ALS2: variants seen among roughly 807,000 people sequenced by gnomAD.
ALS2 encodes the protein alsin Rho guanine nucleotide exchange factor ALS2.
ALS2 carries 117 observed loss-of-function variants against 203.4 expected under a neutral mutation model. The observed-to-expected ratio is 0.58, with a 90% confidence interval of 0.50 to 0.67. The LOEUF (loss-of-function observed/expected upper bound fraction) is 0.67, where lower values mean the gene tolerates loss of function less well. ALS2 is among the 30% of genes least tolerant of loss of function. The pLI is 0.00. For missense variants in ALS2, 1,715 were observed against 1,989.4 expected (o/e 0.86, Z 2.62); for synonymous variants, 718 against 725.9 (o/e 0.99, Z 0.17).
Position 201,770,466 on chromosome 2 carries a change from TA to T in ALS2, c.-60-1522del, listed in dbSNP as rs200772132. ...CCACCACTCATTTTTTTTTTTAACC[TA>T]AATGGAATTAAAACTCTACAAACTG... is the stretch of plus-strand genomic sequence containing the variant. On this transcript the variant is annotated intron_variant, in intron 1 of 33. Coordinates refer to ENST00000264276, the MANE Select transcript of ALS2 (RefSeq NM_020919.4). Among the ~76,000 whole-genome samples, 1,463 of 151,754 alleles carry T rather than the reference TA, an allele frequency of 9.6e-3. 20 individuals carry two copies. The highest frequency in any genetic ancestry group is 0.034 in the African/African-American group (1,399 of 41,336).
In ALS2 at chr2:201,761,193, C is replaced by G. The variant is rs763600658; in HGVS notation, c.801G>C (p.Gln267His). The stretch of plus-strand genomic sequence containing the variant: ...GAGCAGTGCTGGCATGGTTTTCTGC[C>G]TGAGATTCTGTCAGTGTCACACCTA... ...CPLGVTLTES[Q>H]AENHASTALS... The change falls in exon 4 of 34, where the codon CAG (glutamine) becomes CAC (histidine). Residue 267 changes from glutamine to histidine, a missense_variant. By Grantham distance (24) the Gln-to-His change is conservative. This residue lies in a region of ALS2 where 476 missense variants were observed against 539.3 expected (regional missense o/e 0.88). Coordinates refer to ENST00000264276, the MANE Select transcript of ALS2 (RefSeq NM_020919.4). 1.2e-6 allele frequency: 2 copies of G among 1,614,032 alleles called. No homozygotes were observed. Among genetic ancestry groups the G allele is most frequent in the South Asian group, 1.1e-5 (1 of 91,080 alleles).
rs1472406927 is a variant in ALS2, at chr2:201,705,187, G to T, written c.4640C>A (p.Thr1547Lys). ...TGCTGAGGCAAAACAAGCATCTTTC[G>T]TGGTTGGCAAAACCTGCAAAAAAGA... ...LGESKKVLPT[T>K]KDACFASAVE... The change falls in exon 31 of 34, where the codon ACG (threonine) becomes AAG (lysine). Residue 1547 changes from threonine to lysine, a missense_variant. Around this residue, in one of 3 missense-constraint regions of ALS2, gnomAD observed 1,227 missense variants for 1,413.5 expected, o/e 0.87. Coordinates refer to ENST00000264276, the MANE Select transcript of ALS2 (RefSeq NM_020919.4). The T allele has an allele frequency of 1.2e-6, 2 of 1,614,062 alleles. No individual in the cohort carries two copies. The highest frequency in any genetic ancestry group is 1.7e-6 in the Non-Finnish European group (2 of 1,179,992).
chr2:201,765,069 C>T (rs1032524173), intron 3 of ALS2, among the ~76,000 whole-genome samples: 10 of 151,988 alleles, frequency 6.6e-5, no homozygotes, highest in Admixed American at 5.9e-4. Flanking sequence ...TCACAGCTCA[C>T]TGCACGCAGC....
rs866980812 is a variant in ALS2 at position 201,731,991 on chromosome 2, G to A, written c.2580+1285C>T. On this transcript the variant is annotated intron_variant, in intron 13 of 33. Transcript: ENST00000264276. Reference sequence around the variant, plus strand: ...GCTACATCCAGGGAAACTGAACTCTGACTCTCAACAATTCTAAGCTGATCT... The same window carrying A: ...GCTACATCCAGGGAAACTGAACTCTAACTCTCAACAATTCTAAGCTGATCT... Among the ~76,000 whole-genome samples, 142 of 152,294 alleles carry A rather than the reference G, an allele frequency of 9.3e-4. 1 individual carries two copies. The highest frequency in any genetic ancestry group is 3.2e-3 in the African/African-American group (131 of 41,550).
chr2:201,761,454 C>A lies in ALS2; in HGVS notation c.540G>T (p.Leu180Phe), dbSNP rs1574788005. 6.2e-7 allele frequency: 1 copy of A among 1,607,270 alleles called. No individual in the cohort carries two copies. The highest frequency in any genetic ancestry group is 1.1e-5 in the South Asian group (1 of 90,690). Residue 180 changes from leucine to phenylalanine, a missense_variant, in exon 4 of 34, where the codon TTG becomes TTT. Physicochemically the swap from Leu to Phe is conservative, Grantham distance 22. This residue lies in a region of ALS2 where 476 missense variants were observed against 539.3 expected (regional missense o/e 0.88). Transcript: ENST00000264276. Reference sequence around the variant, plus strand: ...CTGGGAAGGCAGTGGTAATGAGACCCAACTGACAACCGGTACCCCATGCCC... The same window carrying A: ...CTGGGAAGGCAGTGGTAATGAGACCAAACTGACAACCGGTACCCCATGCCC... ...EIWAWGTGCQ[L>F]GLITTAFPVT...
chr2:201,710,147 A>T (rs1689948452), intron 26 of ALS2, 109 bp from the exon 27 acceptor site: 1 of 1,369,184 alleles, frequency 7.3e-7, no homozygotes, highest in East Asian at 2.4e-5. Context: ...AAATGTCAAG[A>T]GTCAATTTTG....
chr2:201,723,172 T>A (rs759632478), intron 22 of ALS2, 52 bp from the exon 23 acceptor site: 2 of 1,491,500 alleles, frequency 1.3e-6, no homozygotes, highest in East Asian at 2.3e-5. Flanking sequence ...CAGAGTAACT[T>A]AAGAGTGCAC....
Position 201,726,861 on chromosome 2 carries a change from C to T in ALS2, c.2985G>A (p.Lys995=), listed in dbSNP as rs1691202537. ...CGGCTTGGCTTATAGCTCGTAGCCA[C>T]TTTGTCTAGGAGCAAAAAGTAACGT... ...LISSTPQEKT[K]WLRAISQAVD... Residue 995 remains lysine, a synonymous_variant, in exon 18 of 34, where the codon AAG becomes AAA. Coordinates refer to ENST00000264276, the MANE Select transcript of ALS2 (RefSeq NM_020919.4). 6.2e-7 allele frequency: 1 copy of T among 1,613,836 alleles called. No individual in the cohort carries two copies. The highest frequency in any genetic ancestry group is 8.5e-7 in the Non-Finnish European group (1 of 1,179,900).
At chr2:201,768,989 A>G in intron 1 of ALS2, 44 bp from the exon 2 acceptor site, 1 of 1,003,182 alleles carries the variant, frequency 1.0e-6, no homozygotes, top group Non-Finnish European at 1.5e-6. Flanking sequence ...AGAATATTTT[A>G]CCCCTCAGAC....
Position 201,729,898 on chromosome 2 carries a change from A to C in ALS2, c.2581-715T>G, listed in dbSNP as rs1175302072. Among the ~76,000 whole-genome samples the C allele has an allele frequency of 9.7e-4, 147 of 151,124 alleles. 2 individuals carry two copies. Among genetic ancestry groups the C allele is most frequent in the African/African-American group, 3.4e-3 (138 of 41,052 alleles). On this transcript the variant is annotated intron_variant, in intron 13 of 33. Coordinates refer to ENST00000264276, the MANE Select transcript of ALS2 (RefSeq NM_020919.4). ...CCGTCTCAAAAAAAAAAAAAAAAAA[A>C]AAAAACAACTTTTTTTGTGAGAAAA...
At chr2:201,749,272 G>C (rs975804005) in intron 8 of ALS2, among the ~76,000 whole-genome samples, 1 of 150,634 alleles carries the variant, frequency 6.6e-6, no homozygotes, top group Non-Finnish European at 1.5e-5. Flanking sequence ...AAGTGAAAAG[G>C]CTTACAAAAA....
intron 21 of ALS2, among the ~76,000 whole-genome samples, 169 bp downstream of exon 21, chr2:201,724,126 G>A (rs1365821735): frequency 6.6e-6 from 1 of 151,894 alleles, no homozygotes; most frequent in African/African-American, 2.4e-5. Flanking sequence ...AAATAAAAAA[G>A]TAAATAAAAG....
chr2:201,706,966 G>C lies in ALS2; in HGVS notation c.4460C>G (p.Pro1487Arg). 1 of 1,613,976 alleles carries C rather than the reference G, an allele frequency of 6.2e-7. No homozygotes were observed. Among genetic ancestry groups the C allele is most frequent in the Non-Finnish European group, 8.5e-7 (1 of 1,179,946 alleles). ...CAAAGCATAAAGCATAAACAGCGGT[G>C]GGTAGAGCCGAGGTAGCAGCACAGG... ...LLPVLLPRLYPPLFMLYALDN... is the reference protein window; with the variant it reads ...LLPVLLPRLYRPLFMLYALDN... The change falls in exon 29 of 34, where the codon CCA becomes CGA. Residue 1487 changes from proline to arginine, a missense_variant. By Grantham distance (103) the Pro-to-Arg change is moderately radical. Coordinates refer to ENST00000264276, the MANE Select transcript of ALS2 (RefSeq NM_020919.4).
chr2:201,727,864 A>G, intron 15 of ALS2, 89 bp from the exon 16 acceptor site: 1 of 1,235,556 alleles, frequency 8.1e-7, no homozygotes, highest in Non-Finnish European at 1.2e-6. Flanking sequence ...ATTAACCCAC[A>G]TGGGCCTTGC....
At chr2:201,703,632 A>G (rs1339910407) in intron 33 of ALS2, among the ~76,000 whole-genome samples, 1 of 152,190 alleles carries the variant, frequency 6.6e-6, no homozygotes, top group Non-Finnish European at 1.5e-5. Context: ...GCAGGAAACA[A>G]ATGACTTCTA....
intron 4 of ALS2, chr2:201,759,984 G>C: frequency 1.0e-6 from 1 of 983,854 alleles, no homozygotes; most frequent in Non-Finnish European, 1.2e-6. Flanking sequence ...AACAACTTTT[G>C]TTCATTCTAC....
intron 25 of ALS2, among the ~76,000 whole-genome samples, chr2:201,713,138 T>TTTTC (rs1425506960): frequency 0.17 from 18,182 of 104,070 alleles, 1,116 homozygotes; most frequent in East Asian, 0.44. Context: ...CTTTTCTTTT[T>TTTTC]TTTTTTTTTT....
At chr2:201,715,598 C>T (rs1690324774) in intron 25 of ALS2, 74 bp downstream of exon 25, 2 of 1,551,908 alleles carry the variant, frequency 1.3e-6, no homozygotes, top group East Asian at 2.3e-5. Flanking sequence ...ATGTGGTGAG[C>T]CTTGACTACT....
rs1455103325 is a variant in ALS2, at chr2:201,768,940, C to T, written c.-55G>A. 1 of 1,554,816 alleles carries T rather than the reference C, an allele frequency of 6.4e-7. No homozygotes were observed. On this transcript the variant is annotated 5_prime_UTR_variant, in exon 2 of 34. Coordinates refer to ENST00000264276, the MANE Select transcript of ALS2 (RefSeq NM_020919.4). Reference sequence around the variant, plus strand: ...CATTCCTTCTTTACAGAAAGTCTATCAAGACCTAAACAGTACAAGTAAGGA... The same window carrying T: ...CATTCCTTCTTTACAGAAAGTCTATTAAGACCTAAACAGTACAAGTAAGGA...
Sources: gnomAD v4.1 joint callset for allele counts (sites outside exome capture counted in the v4.1 genomes callset) on GRCh38, gnomAD v4.1.1 for gene constraint, gnomAD v4.1.1 regional missense constraint, MANE v1.5 for transcripts, NCBI Gene and HGNC (gene_info 2026-07-23, HGNC 2026-07-21) for gene names.